The following TLR6 variants were observed in gnomAD, a reference collection of about 807,000 sequenced individuals.
The protein encoded by TLR6 is toll-like receptor 6.
Under a neutral mutation model 16.1 loss-of-function variants are expected in TLR6, and 9 were observed. The observed-to-expected ratio is 0.56, with a 90% CI of 0.34 to 0.98. TLR6 has a LOEUF of 0.98. TLR6 is among the 50% of genes least tolerant of loss of function. TLR6 has a pLI of 0.02. For missense variants in TLR6, 786 were observed against 921.0 expected, an observed-to-expected ratio of 0.85 and a Z score of 1.90; for synonymous variants, 340 against 338.6, an observed-to-expected ratio of 1.00 and a Z score of -0.04.
upstream of TLR6, among the ~76,000 whole-genome samples, chr4:38,858,483 G>A (rs1354434503): frequency 6.6e-6 from 1 of 152,108 alleles, no homozygotes; most frequent in Non-Finnish European, 1.5e-5. Context: ...ACTTCGGGAG[G>A]CCGAGGTGGG....
the TLR6 span, among the ~76,000 whole-genome samples, chr4:38,862,457 T>A: frequency 5.9e-5 from 9 of 152,140 alleles, no homozygotes; most frequent in African/African-American, 2.2e-4. Flanking sequence ...ATTTTTGTAT[T>A]TTTAGTACAG....
At chr4:38,859,041 G>T (rs1397106214), upstream of TLR6, among the ~76,000 whole-genome samples, 1 of 152,170 alleles carries the variant, frequency 6.6e-6, no homozygotes, top group Non-Finnish European at 1.5e-5. Flanking sequence ...TCATTAAGGT[G>T]CTGTGAGATA....
intron 1 of TLR6, among the ~76,000 whole-genome samples, chr4:38,837,988 T>C (rs926631522): frequency 6.6e-6 from 1 of 152,130 alleles, no homozygotes; most frequent in African/African-American, 2.4e-5. Context: ...AAGAGTTATA[T>C]GAAAAAAATG....
At chr4:38,865,704 G>C in the TLR6 span, among the ~76,000 whole-genome samples, 1 of 152,218 alleles carries the variant, frequency 6.6e-6, no homozygotes, top group African/African-American at 2.4e-5. Context: ...CTTTATTTTA[G>C]AGGTGGAAAA....
chr4:38,850,911 G>T (rs1712744404), intron 1 of TLR6, among the ~76,000 whole-genome samples: 1 of 152,094 alleles, frequency 6.6e-6, no homozygotes, highest in South Asian at 2.1e-4. Flanking sequence ...ACCAAAGCCT[G>T]GCAGAGACAC....
At chr4:38,831,844 A>T in intron 1 of TLR6, among the ~76,000 whole-genome samples, 1 of 152,248 alleles carries the variant, frequency 6.6e-6, no homozygotes, top group Non-Finnish European at 1.5e-5. Flanking sequence ...GGTAAAATCC[A>T]AAAACAACAT....
upstream of TLR6, among the ~76,000 whole-genome samples, chr4:38,859,565 C>CTTTTT (rs372944785): frequency 0.21 from 25,254 of 121,528 alleles, 3,400 homozygotes; most frequent in Non-Finnish European, 0.28. Flanking sequence ...GATTATTGGC[C>CTTTTT]TTTTTTTTTT....
At chr4:38,862,009 T>C in the TLR6 span, among the ~76,000 whole-genome samples, 2 of 152,222 alleles carry the variant, frequency 1.3e-5, no homozygotes, top group Non-Finnish European at 2.9e-5. Context: ...AAAACCAACA[T>C]TCTCACGCGA....
At chr4:38,834,054 A>G (rs1169090845) in intron 1 of TLR6, among the ~76,000 whole-genome samples, 1 of 149,658 alleles carries the variant, frequency 6.7e-6, no homozygotes, top group African/African-American at 2.4e-5. Context: ...TGGTGAAACC[A>G]TATCTGTACT....
intron 1 of TLR6, among the ~76,000 whole-genome samples, chr4:38,833,330 T>G (rs6531669): frequency 0.41 from 62,418 of 152,066 alleles, 14,448 homozygotes; most frequent in African/African-American, 0.64. Context: ...GCCACCACTG[T>G]TGCCTGAGAA....
chr4:38,838,938 A>G (rs1290254760), intron 1 of TLR6, among the ~76,000 whole-genome samples: 29 of 104,060 alleles, frequency 2.8e-4, no homozygotes, highest in African/African-American at 9.7e-4. Flanking sequence ...GGAAGGAAGG[A>G]AGGAAGGGAG....
At chr4:38,839,977 G>C (rs10002186) in intron 1 of TLR6, among the ~76,000 whole-genome samples, 5,741 of 152,260 alleles carry the variant, frequency 0.038, 359 homozygotes, top group African/African-American at 0.13. Context: ...AATCCTAAAA[G>C]ATCAAAGTCC....
At chr4:38,856,716 A>C (rs1200221180) in intron 1 of TLR6, 45 bp downstream of exon 1, 1 of 152,266 alleles carries the variant, frequency 6.6e-6, no homozygotes, top group East Asian at 1.9e-4. Flanking sequence ...TACTTGAAGC[A>C]CCTGTGCCAT....
intron 1 of TLR6, among the ~76,000 whole-genome samples, chr4:38,850,846 T>C (rs1712742347): frequency 2.0e-5 from 3 of 152,050 alleles, no homozygotes; most frequent in African/African-American, 4.8e-5. Flanking sequence ...TTCCAATCAA[T>C]AGAAAAAGAG....
intron 1 of TLR6, among the ~76,000 whole-genome samples, chr4:38,847,591 C>T (rs544187806): frequency 9.1e-4 from 138 of 152,292 alleles, no homozygotes; most frequent in Non-Finnish European, 1.6e-3. Flanking sequence ...ACCCTAATAC[C>T]GTGCTTTTCC....
At chr4:38,828,508 T>C (rs1727663729) in exon 2 of TLR6, 1 of 1,614,152 alleles carries the variant, frequency 6.2e-7, no homozygotes, top group South Asian at 1.1e-5. Flanking sequence ...TGTACAAAGC[T>C]GTCTGTGAAA....
At chr4:38,832,680 C>T (rs532016407) in intron 1 of TLR6, among the ~76,000 whole-genome samples, 4 of 152,264 alleles carry the variant, frequency 2.6e-5, no homozygotes, top group African/African-American at 9.6e-5. Context: ...ACCCCTGAAG[C>T]CCCACTGATA....
intron 1 of TLR6, among the ~76,000 whole-genome samples, chr4:38,852,699 T>G (rs1194801496): frequency 1.3e-5 from 2 of 151,016 alleles, no homozygotes; most frequent in Admixed American, 6.6e-5. Flanking sequence ...TCACACCAGT[T>G]AGAATGGCGA....
chr4:38,827,878 T>C (rs1367841385), exon 2 of TLR6: 9 of 1,614,108 alleles, frequency 5.6e-6, no homozygotes, highest in Non-Finnish European at 7.6e-6. Flanking sequence ...CACAGGTACA[T>C]TGGAATGGAT....
Sources: gnomAD v4.1 joint callset for allele counts (sites outside exome capture counted in the v4.1 genomes callset) on GRCh38, gnomAD v4.1.1 for gene constraint, MANE v1.5 for transcripts, NCBI Gene and HGNC (gene_info 2026-07-23, HGNC 2026-07-21) for gene names.